Variants in PREPL observed in about 807,000 individuals in gnomAD.
PREPL encodes prolyl endopeptidase like, also known as prolyl endopeptidase-like.
PREPL carries 77 observed loss-of-function variants against 70.6 expected under a neutral mutation model. That is an observed-to-expected ratio of 1.09 (90% confidence interval 0.91 to 1.32). PREPL has a LOEUF of 1.32. PREPL is among the 40% of genes most tolerant of loss of function. The pLI is 0.00. For synonymous variants in PREPL, 315 were observed against 264.8 expected (o/e 1.19, Z -1.84); for missense variants, 1,002 against 778.2 (o/e 1.29, Z -3.42).
chr2:44,334,180 G>A (rs1195014169), intron 7 of PREPL, among the ~76,000 whole-genome samples: 1 of 152,144 alleles, frequency 6.6e-6, no homozygotes, highest in East Asian at 1.9e-4. Flanking sequence ...ATTCAGATAA[G>A]CCTGCAGTGT....
chr2:44,323,846 C>G lies in PREPL; in HGVS notation c.1480-435G>C, dbSNP rs566537306. Among the ~76,000 whole-genome samples, 147 of 152,240 alleles carry G rather than the reference C, an allele frequency of 9.7e-4. 1 individual carries two copies. The South Asian group carries it at 0.03, about 31-fold the overall frequency. ...GTGGTTGGAATGTAAAATGGGGGAG[C>G]TGCTTTGGAAAACAGTATGGTGGTT... On this transcript the variant is annotated intron_variant, in intron 10 of 13. Coordinates refer to ENST00000409411, the MANE Select transcript of PREPL (RefSeq NM_001171613.2).
chr2:44,361,395 C>T lies in PREPL; in HGVS notation c.-64G>A, dbSNP rs1174219181. On this transcript the variant is annotated 5_prime_UTR_variant, in exon 1 of 14. Coordinates refer to ENST00000409411, the MANE Select transcript of PREPL (RefSeq NM_001171613.2). ...CCATACATACGCAAATTGAGAGAAT[C>T]AGTCCGGCTCTGGACACAAACCAGT... The T allele has an allele frequency of 6.6e-6, 1 of 152,310 alleles. No homozygotes were observed. The highest frequency in any genetic ancestry group is 1.5e-5 in the Non-Finnish European group (1 of 68,104). 9.4% of individuals were successfully genotyped at this position (152,310 alleles called of 1,614,324 possible). A position where few individuals can be genotyped will look rare whatever the true frequency, so the allele number is the denominator to read the frequency against.
At chr2:44,322,646 A>G in intron 12 of PREPL, 85 bp downstream of exon 12, 2 of 1,484,714 alleles carry the variant, frequency 1.3e-6, no homozygotes, top group Non-Finnish European at 1.8e-6. Flanking sequence ...TGATTTGGCT[A>G]CAGCCTGAAA....
rs751717838 is a variant in PREPL at position 44,320,667 on chromosome 2, G to A, written c.*689C>T. On this transcript the variant is annotated 3_prime_UTR_variant, in exon 14 of 14. Transcript: ENST00000409411. Reference sequence around the variant, plus strand: ...ACCTTTATGAAGAGATGAAGACACTGGCATTTCAGTGGGATTGTAAGCATT... The same window carrying A: ...ACCTTTATGAAGAGATGAAGACACTAGCATTTCAGTGGGATTGTAAGCATT... 1.3e-5 allele frequency: 21 copies of A among 1,561,928 alleles called. No individual in the cohort carries two copies. The Admixed American group carries it at 2.5e-4, about 19-fold the overall frequency.
At chr2:44,337,587 T>C (rs922485638) in intron 7 of PREPL, among the ~76,000 whole-genome samples, 1 of 152,176 alleles carries the variant, frequency 6.6e-6, no homozygotes, top group African/African-American at 2.4e-5. Flanking sequence ...TGTTTGCTCA[T>C]CAACTGGCTC....
chr2:44,327,152 C>T (rs1279441232), intron 9 of PREPL, among the ~76,000 whole-genome samples: 2 of 152,122 alleles, frequency 1.3e-5, no homozygotes, highest in Non-Finnish European at 2.9e-5. Context: ...AAAAGGTTTG[C>T]CAACTCCTGA....
intron 8 of PREPL, among the ~76,000 whole-genome samples, chr2:44,330,661 A>G (rs1167883559): frequency 6.6e-6 from 1 of 152,204 alleles, no homozygotes; most frequent in Admixed American, 6.5e-5. Context: ...TGAATTAAAG[A>G]AAAAAATTCC....
intron 1 of PREPL, among the ~76,000 whole-genome samples, chr2:44,348,403 G>T (rs2104059822): frequency 6.6e-6 from 1 of 152,258 alleles, no homozygotes; most frequent in South Asian, 2.1e-4. Flanking sequence ...AGCAATAGGA[G>T]CTGCCTTTGC....
At chr2:44,346,912 C>T (rs1008363304) in intron 1 of PREPL, among the ~76,000 whole-genome samples, 5 of 152,042 alleles carry the variant, frequency 3.3e-5, no homozygotes, top group African/African-American at 1.2e-4. Flanking sequence ...TATTTCCCTA[C>T]TTCATTAACT....
chr2:44,360,032 G>A (rs899366334), intron 1 of PREPL: 6 of 226,824 alleles, frequency 2.6e-5, no homozygotes, highest in African/African-American at 4.6e-5. Flanking sequence ...CACACATAGG[G>A]GTTAAACTAA....
intron 8 of PREPL, among the ~76,000 whole-genome samples, chr2:44,330,215 T>C (rs1373550505): frequency 1.3e-5 from 2 of 152,158 alleles, no homozygotes; most frequent in South Asian, 2.1e-4. Flanking sequence ...TCAGAAAAAG[T>C]TGCTTGTTGA....
rs185992967 is a variant in PREPL, at chr2:44,352,660, C to T, written c.-48-6270G>A. ...GTTTATTTTGTTCAGTGTTATATCT[C>T]CAGTGCCTAGAATGGTGCATAGCAG... is the stretch of plus-strand genomic sequence containing the variant. On this transcript the variant is annotated intron_variant, in intron 1 of 13. Coordinates refer to ENST00000409411, the MANE Select transcript of PREPL (RefSeq NM_001171613.2). Among the ~76,000 whole-genome samples the T allele has an allele frequency of 1.5e-3, 230 of 152,194 alleles. 1 individual carries two copies. Among genetic ancestry groups the T allele is most frequent in the Non-Finnish European group, 2.7e-3 (182 of 68,006 alleles).
rs552854550 is a variant in PREPL at position 44,317,975 on chromosome 2, G to A, written c.*3381C>T. The A allele has an allele frequency of 1.8e-5, 5 of 272,922 alleles. No homozygotes were observed. Among genetic ancestry groups the A allele is most frequent in the Non-Finnish European group, 3.7e-5 (5 of 135,198 alleles). The allele number at this position is 272,922 out of a possible 1,614,324, so 16.9% of individuals were successfully genotyped here. ...ATAGCAAGCAAATAATAGAAAGCTT[G>A]CAACCCAGCTATAGCTATAAACACA... On this transcript the variant is annotated 3_prime_UTR_variant, in exon 14 of 14. Transcript: ENST00000409411.
rs1037126601 is a variant in PREPL at position 44,320,228 on chromosome 2, G to T, written c.*1128C>A. The T allele has an allele frequency of 1.2e-5, 19 of 1,613,842 alleles. No homozygotes were observed. The highest frequency in any genetic ancestry group is 1.5e-5 in the Non-Finnish European group (18 of 1,179,918). ...AAAAGACTCAGCCCAGATCGGCTTT[G>T]AAGTTATATCAAGATTTAAGTCTAC... On this transcript the variant is annotated 3_prime_UTR_variant, in exon 14 of 14. Transcript: ENST00000409411.
intron 1 of PREPL, among the ~76,000 whole-genome samples, chr2:44,359,067 CT>C (rs35700374): frequency 0.5 from 46,764 of 94,294 alleles, 10,502 homozygotes; most frequent in Middle Eastern, 0.61. Context: ...TATGTATACA[CT>C]TTTTTTTTTT....
chr2:44,345,359 C>T (rs527946617), intron 2 of PREPL, among the ~76,000 whole-genome samples: 14 of 147,268 alleles, frequency 9.5e-5, no homozygotes, highest in African/African-American at 2.7e-4. Flanking sequence ...TTCATTTTTT[C>T]TTTTTTTTTT....
At chr2:44,353,825 G>C (rs1676715213) in intron 1 of PREPL, among the ~76,000 whole-genome samples, 1 of 151,840 alleles carries the variant, frequency 6.6e-6, no homozygotes, top group South Asian at 2.1e-4. Context: ...AAATAATAAA[G>C]TTGTACCCCA....
chr2:44,359,876 G>C (rs1367461849), intron 1 of PREPL: 3 of 585,902 alleles, frequency 5.1e-6, no homozygotes, highest in East Asian at 2.8e-5. Context: ...AATAACTTCA[G>C]ACAGCTGATA....
At chr2:44,333,398 C>CA (rs1233188918) in intron 7 of PREPL, among the ~76,000 whole-genome samples, 1 of 152,218 alleles carries the variant, frequency 6.6e-6, no homozygotes, top group Non-Finnish European at 1.5e-5. Flanking sequence ...AGCAGGTTGA[C>CA]AGAGCGTTAG....
Sources: gnomAD v4.1 joint callset for allele counts (sites outside exome capture counted in the v4.1 genomes callset) on GRCh38, gnomAD v4.1.1 for gene constraint, MANE v1.5 for transcripts, NCBI Gene and HGNC (gene_info 2026-07-23, HGNC 2026-07-21) for gene names.